ERBB4: variants seen among roughly 807,000 people sequenced by gnomAD.
ERBB4 encodes receptor tyrosine-protein kinase erbB-4.
In ERBB4, 42 loss-of-function variants were observed where a neutral mutation model predicts 158.0. That is an observed-to-expected ratio of 0.27 (90% confidence interval 0.21 to 0.34). The LOEUF (loss-of-function observed/expected upper bound fraction) is 0.34. Among genes scored for constraint, ERBB4 ranks in the 10% least tolerant of loss-of-function variants. The pLI is 1.00. For synonymous variants in ERBB4, 583 were observed against 558.7 expected (o/e 1.04, Z -0.61); for missense variants, 1,333 against 1,624.1 (o/e 0.82, Z 3.08).
intron 2 of ERBB4, among the ~76,000 whole-genome samples, chr2:211,956,386 C>A (rs11688188): frequency 2.0e-5 from 3 of 152,092 alleles, no homozygotes; most frequent in South Asian, 4.1e-4. Flanking sequence ...ATCAAAGCGT[C>A]GTAATGTTTA....
intron 1 of ERBB4, among the ~76,000 whole-genome samples, chr2:212,376,284 T>C (rs2090318762): frequency 6.6e-6 from 1 of 152,024 alleles, no homozygotes; most frequent in Admixed American, 6.6e-5. Context: ...GCACATTCAA[T>C]GCAATGGCTA....
At chr2:212,110,664 AC>A (rs2079377231) in intron 2 of ERBB4, among the ~76,000 whole-genome samples, 1 of 152,204 alleles carries the variant, frequency 6.6e-6, no homozygotes, top group Non-Finnish European at 1.5e-5. Context: ...TTATCACCGG[AC>A]TGCTTTCAAA....
intron 2 of ERBB4, among the ~76,000 whole-genome samples, chr2:211,964,535 T>A (rs996009471): frequency 3.3e-5 from 5 of 152,232 alleles, no homozygotes; most frequent in African/African-American, 1.2e-4. Context: ...CTCTTGAATT[T>A]CACTACGGAA....
Position 211,388,255 on chromosome 2 carries a change from A to C in ERBB4, c.3136-263T>G, listed in dbSNP as rs3748965. Among the ~76,000 whole-genome samples, 8 of 152,318 alleles carry C rather than the reference A, an allele frequency of 5.3e-5. No homozygotes were observed. In the East Asian group the frequency reaches 1.5e-3, roughly 29 times the overall value. ...CAGAAAAAGCAAAATTTTTCAATGG[A>C]TTAGAAAAGTAAATAATAAACATTC... On this transcript the variant is annotated intron_variant, in intron 25 of 27. Transcript: ENST00000342788.
At chr2:211,760,551 A>G (rs77914165) in intron 4 of ERBB4, among the ~76,000 whole-genome samples, 2,517 of 152,324 alleles carry the variant, frequency 0.017, 57 homozygotes, top group African/African-American at 0.058. Flanking sequence ...CTGAATCAAC[A>G]TTTCATGTAA....
rs547236164 is a variant in ERBB4, at chr2:211,971,883, C to A, written c.235-24267G>T. ...CACAAGACAAGGATACCCTCTCTCA[C>A]TCCTCCTATTTAATACAATATCGAA... On this transcript the variant is annotated intron_variant, in intron 2 of 27. Coordinates refer to ENST00000342788, the MANE Select transcript of ERBB4 (RefSeq NM_005235.3). Among the ~76,000 whole-genome samples, 9 of 152,292 alleles carry A rather than the reference C, an allele frequency of 5.9e-5. No individual in the cohort carries two copies. In the South Asian group the frequency reaches 1.9e-3, roughly 32 times the overall value.
intron 2 of ERBB4, among the ~76,000 whole-genome samples, chr2:212,055,665 C>A (rs974657849): frequency 1.3e-5 from 2 of 152,232 alleles, no homozygotes; most frequent in East Asian, 1.9e-4. Context: ...CCCAGGCGAA[C>A]AGGATTTGGA....
At chr2:211,682,835 T>C (rs1337664936) in intron 12 of ERBB4, among the ~76,000 whole-genome samples, 1 of 152,044 alleles carries the variant, frequency 6.6e-6, no homozygotes, top group Non-Finnish European at 1.5e-5. Flanking sequence ...TGATAATCTC[T>C]GCCCTTTAAT....
chr2:212,423,157 T>C (rs2091834370), intron 1 of ERBB4, among the ~76,000 whole-genome samples: 1 of 151,980 alleles, frequency 6.6e-6, no homozygotes, highest in South Asian at 2.1e-4. Context: ...TATATAGGGT[T>C]TAGGTAAGTG....
intron 2 of ERBB4, among the ~76,000 whole-genome samples, chr2:212,044,154 C>T (rs2077203566): frequency 1.3e-5 from 2 of 151,942 alleles, no homozygotes; most frequent in African/African-American, 4.8e-5. Context: ...TAGTGTCTCC[C>T]AATAGTATAT....
intron 9 of ERBB4, among the ~76,000 whole-genome samples, chr2:211,708,176 A>G (rs1293367811): frequency 6.6e-6 from 1 of 152,106 alleles, no homozygotes; most frequent in Non-Finnish European, 1.5e-5. Flanking sequence ...GTCTAATTCT[A>G]CTGAATTAAT....
chr2:211,703,342 T>C (rs1443552022), intron 11 of ERBB4, among the ~76,000 whole-genome samples: 1 of 152,198 alleles, frequency 6.6e-6, no homozygotes, highest in Non-Finnish European at 1.5e-5. Context: ...ATTAAGCTCC[T>C]TTCTCCTTTA....
At chr2:211,491,200 T>A (rs890741113) in intron 20 of ERBB4, among the ~76,000 whole-genome samples, 3 of 152,024 alleles carry the variant, frequency 2.0e-5, no homozygotes, top group African/African-American at 7.2e-5. Flanking sequence ...TGTAAGGGAT[T>A]TTTTTCTTTC....
intron 1 of ERBB4, among the ~76,000 whole-genome samples, chr2:212,342,575 T>C (rs1005457274): frequency 3.3e-5 from 5 of 152,150 alleles, no homozygotes; most frequent in African/African-American, 1.2e-4. Context: ...AATACAACAA[T>C]GATGCTGGAA....
intron 4 of ERBB4, among the ~76,000 whole-genome samples, chr2:211,775,502 G>T (rs2075850433): frequency 6.6e-6 from 1 of 152,174 alleles, no homozygotes; most frequent in Admixed American, 6.5e-5. Flanking sequence ...TTTTAGCAAG[G>T]TTTGGGGCTA....
At chr2:212,396,375 T>C (rs150499164) in intron 1 of ERBB4, among the ~76,000 whole-genome samples, 1 of 152,284 alleles carries the variant, frequency 6.6e-6, no homozygotes, top group East Asian at 1.9e-4. Flanking sequence ...ATTCTAATGC[T>C]AGATTGTCTG....
intron 20 of ERBB4, among the ~76,000 whole-genome samples, chr2:211,502,749 T>C (rs1025121575): frequency 2.0e-5 from 3 of 152,192 alleles, no homozygotes; most frequent in Non-Finnish European, 2.9e-5. Context: ...TTATAATCTA[T>C]GGAAAATCTC....
At chr2:211,814,154 C>T (rs530742146) in intron 3 of ERBB4, among the ~76,000 whole-genome samples, 3 of 152,062 alleles carry the variant, frequency 2.0e-5, no homozygotes, top group East Asian at 1.9e-4. Flanking sequence ...GTCTAAAATA[C>T]ACCTTAGGCA....
chr2:211,712,781 G>A lies in ERBB4; in HGVS notation c.998-605C>T, dbSNP rs567736098. Among the ~76,000 whole-genome samples, 869 of 152,034 alleles carry A rather than the reference G, an allele frequency of 5.7e-3. 10 individuals carry two copies. Among genetic ancestry groups the A allele is most frequent in the African/African-American group, 0.02 (812 of 41,474 alleles). On this transcript the variant is annotated intron_variant, in intron 8 of 27. Coordinates refer to ENST00000342788, the MANE Select transcript of ERBB4 (RefSeq NM_005235.3). The stretch of plus-strand genomic sequence containing the variant: ...CAAAACAATTTTTGTGTGTGGGTGG[G>A]GGGGGATGTATAGAGAAAGAGAGAG...
Sources: allele counts gnomAD v4.1 joint callset (sites outside exome capture counted in the v4.1 genomes callset), GRCh38; gene constraint gnomAD v4.1.1; transcripts MANE v1.5; gene names NCBI Gene and HGNC (gene_info 2026-07-23, HGNC 2026-07-21).